DENND5B: variants seen among roughly 807,000 people sequenced by gnomAD.
DENND5B encodes the protein DENN domain-containing protein 5B.
DENND5B carries 34 observed loss-of-function variants against 140.6 expected under a neutral mutation model. That is an observed-to-expected ratio of 0.24 (90% confidence interval 0.18 to 0.32). The LOEUF (loss-of-function observed/expected upper bound fraction) is 0.32. DENND5B is among the 10% of genes least tolerant of loss of function. DENND5B has a pLI of 1.00. For synonymous variants in DENND5B, 551 were observed against 562.1 expected (o/e 0.98, Z 0.28); for missense variants, 1,142 against 1,560.2 (o/e 0.73, Z 4.52).
intron 1 of DENND5B, among the ~76,000 whole-genome samples, chr12:31,502,465 G>C (rs772284354): frequency 5.9e-5 from 9 of 152,080 alleles, no homozygotes; most frequent in Non-Finnish European, 1.3e-4. Flanking sequence ...TAATTATAAA[G>C]TGTCAACTCT....
At chr12:31,422,263 C>CAA (rs745781782) in intron 11 of DENND5B, among the ~76,000 whole-genome samples, 1 of 45,664 alleles carries the variant, frequency 2.2e-5, no homozygotes, top group African/African-American at 1.2e-4. Flanking sequence ...ACTAAAAATC[C>CAA]AAAAAAAAAA....
At chr12:31,443,742 C>T (rs539868914) in intron 6 of DENND5B, 15 of 152,236 alleles carry the variant, frequency 9.9e-5, no homozygotes, top group Admixed American at 2.0e-4. Flanking sequence ...AAACAAGGAA[C>T]GGTGTGAAGT....
chr12:31,564,353 C>T lies in DENND5B; in HGVS notation c.127+26353G>A, dbSNP rs181820695. Among the ~76,000 whole-genome samples the T allele has an allele frequency of 2.0e-5, 3 of 151,818 alleles. No individual in the cohort carries two copies. In the East Asian group the frequency reaches 5.8e-4, roughly 29 times the overall value. On this transcript the variant is annotated intron_variant, in intron 1 of 20. Transcript: ENST00000389082. ...CCCACTGCAACCATAGACTGGCTGC[C>T]AGAAGGTAAGAGTATGTGAGGATCT...
At chr12:31,398,718 C>T (rs187080631) in intron 16 of DENND5B, among the ~76,000 whole-genome samples, 182 of 152,300 alleles carry the variant, frequency 1.2e-3, no homozygotes, top group African/African-American at 4.2e-3. Context: ...CTTTTCCTCC[C>T]ACTGAAATTA....
At chr12:31,520,001 C>T (rs1384997855) in intron 1 of DENND5B, among the ~76,000 whole-genome samples, 1 of 152,144 alleles carries the variant, frequency 6.6e-6, no homozygotes, top group African/African-American at 2.4e-5. Flanking sequence ...GCTACCTGTT[C>T]AGGCATTTCT....
Position 31,576,153 on chromosome 12 carries a change from A to AG in DENND5B, c.127+14552_127+14553insC, listed in dbSNP as rs1439442231. ...AAGGCTCTGTCTCCAAAAAAAAAAAAAAAAAGAAGAATGAGGCCGCGCGCA... is the reference window on the plus strand; with the variant it reads ...AAGGCTCTGTCTCCAAAAAAAAAAAAGAAAAAGAAGAATGAGGCCGCGCGCA... On this transcript the variant is annotated intron_variant, in intron 1 of 20. Transcript: ENST00000389082. Among the ~76,000 whole-genome samples the AG allele has an allele frequency of 4.6e-4, 47 of 101,478 alleles. 1 individual carries two copies. The highest frequency in any genetic ancestry group is 4.8e-3 in the Middle Eastern group (1 of 208). The allele number at this position is 101,478 out of a possible 152,430, so 66.6% of individuals were successfully genotyped here.
chr12:31,449,762 C>T (rs111604039), intron 5 of DENND5B, among the ~76,000 whole-genome samples: 1,522 of 113,602 alleles, frequency 0.013, 15 homozygotes, highest in East Asian at 0.032. Context: ...GACAGAGTCT[C>T]GCTGTCGCCC....
chr12:31,498,668 T>C (rs1591929246), intron 1 of DENND5B, among the ~76,000 whole-genome samples: 1 of 152,120 alleles, frequency 6.6e-6, no homozygotes. Context: ...AATTCTGATA[T>C]CACTGTTAAG....
intron 7 of DENND5B, among the ~76,000 whole-genome samples, chr12:31,433,828 A>C (rs191213909): frequency 3.7e-5 from 4 of 106,936 alleles, no homozygotes; most frequent in African/African-American, 1.3e-4. Flanking sequence ...AGACCAGCCT[A>C]GGCAACATAG....
chr12:31,493,513 G>A (rs1204241326), intron 2 of DENND5B, among the ~76,000 whole-genome samples: 1 of 152,034 alleles, frequency 6.6e-6, no homozygotes, highest in African/African-American at 2.4e-5. Flanking sequence ...GGCCAACATA[G>A]CAAAACCCCA....
intron 7 of DENND5B, among the ~76,000 whole-genome samples, chr12:31,442,445 A>G (rs955549177): frequency 3.9e-5 from 6 of 152,352 alleles, no homozygotes; most frequent in Middle Eastern, 6.8e-3. Flanking sequence ...ACTAACACAG[A>G]TGATAAAGGT....
chr12:31,523,728 T>A (rs1947987409), intron 1 of DENND5B, among the ~76,000 whole-genome samples: 1 of 151,854 alleles, frequency 6.6e-6, no homozygotes, highest in South Asian at 2.1e-4. Context: ...AAAAAAAGAG[T>A]ATATGACAAG....
Position 31,479,999 on chromosome 12 carries a change from C to G in DENND5B, c.494G>C (p.Gly165Ala). 6.2e-7 allele frequency: 1 copy of G among 1,613,972 alleles called. No individual in the cohort carries two copies. The highest frequency in any genetic ancestry group is 8.5e-7 in the Non-Finnish European group (1 of 1,179,874). ...MDSLASSLDE[G>A]DTTSLLKLQR... ...GAGTTTCAAAAGGGAAGTTGTATCTCCTTCATCAAGACTACTTGCCAATGA... is the reference window on the plus strand; with the variant it reads ...GAGTTTCAAAAGGGAAGTTGTATCTGCTTCATCAAGACTACTTGCCAATGA... The change falls in exon 3 of 21, where the codon GGA (glycine) becomes GCA (alanine). Residue 165 changes from glycine to alanine, a missense_variant. Gly to Ala is a moderately conservative substitution (Grantham distance 60). Coordinates refer to ENST00000389082, the MANE Select transcript of DENND5B (RefSeq NM_144973.4).
intron 1 of DENND5B, among the ~76,000 whole-genome samples, chr12:31,547,223 G>C (rs1317414171): frequency 6.6e-6 from 1 of 152,058 alleles, no homozygotes; most frequent in African/African-American, 2.4e-5. Flanking sequence ...CAGAGAAAAA[G>C]GGAAAAGTAT....
At chr12:31,447,419 C>T (rs746502530) in intron 6 of DENND5B, 119 bp downstream of exon 6, 4 of 861,924 alleles carry the variant, frequency 4.6e-6, no homozygotes, top group South Asian at 1.9e-5. Context: ...TGATATAGTA[C>T]CAGGATTAGC....
intron 7 of DENND5B, among the ~76,000 whole-genome samples, chr12:31,436,321 G>C (rs1943753337): frequency 6.6e-6 from 1 of 151,684 alleles, no homozygotes; most frequent in Admixed American, 6.6e-5. Flanking sequence ...GGCTGGTCTC[G>C]AACTCCTGAC....
At chr12:31,522,654 G>A (rs1273981700) in intron 1 of DENND5B, among the ~76,000 whole-genome samples, 1 of 151,944 alleles carries the variant, frequency 6.6e-6, no homozygotes, top group African/African-American at 2.4e-5. Context: ...ACGTTACCCC[G>A]GCTGGTCTCG....
rs747731016 is a variant in DENND5B at position 31,387,578 on chromosome 12, G to A, written c.*25C>T. On this transcript the variant is annotated 3_prime_UTR_variant, in exon 21 of 21. Coordinates refer to ENST00000389082, the MANE Select transcript of DENND5B (RefSeq NM_144973.4). ...CTAGTTGGGGAAGGAGCAAGGTTTG[G>A]ACTGAGAGTTTCTAGCCAGTTGGGT... The A allele has an allele frequency of 1.2e-6, 2 of 1,606,592 alleles. No individual in the cohort carries two copies. Among genetic ancestry groups the A allele is most frequent in the South Asian group, 2.2e-5 (2 of 90,252 alleles).
chr12:31,435,723 A>C (rs942004465), intron 7 of DENND5B, among the ~76,000 whole-genome samples: 13 of 151,530 alleles, frequency 8.6e-5, no homozygotes, highest in Admixed American at 2.0e-4. Flanking sequence ...TACAGTGGCA[A>C]GACCTCGGCT....
Sources: gnomAD v4.1 joint callset for allele counts (sites outside exome capture counted in the v4.1 genomes callset) on GRCh38, gnomAD v4.1.1 for gene constraint, MANE v1.5 for transcripts, NCBI Gene and HGNC (gene_info 2026-07-23, HGNC 2026-07-21) for gene names.